The following SRP54 variants were observed in gnomAD, a reference collection of about 807,000 sequenced individuals.
SRP54 encodes the protein signal recognition particle 54, also known as signal recognition particle subunit SRP54.
In SRP54, 10 loss-of-function variants were observed where a neutral mutation model predicts 64.8. The observed-to-expected ratio is 0.15, with a 90% CI of 0.10 to 0.26. The LOEUF (loss-of-function observed/expected upper bound fraction) is 0.26. Among genes scored for constraint, SRP54 ranks in the 10% least tolerant of loss-of-function variants. The pLI, the probability that SRP54 is intolerant of heterozygous loss-of-function variation, is 1.00. For synonymous variants in SRP54, 193 were observed against 185.6 expected, an observed-to-expected ratio of 1.04 and a Z score of -0.32; for missense variants, 325 against 613.7, an observed-to-expected ratio of 0.53 and a Z score of 4.97.
rs1210421994 is a variant in SRP54, at chr14:34,999,613, A to G, written c.134A>G (p.Asn45Ser). Reference protein sequence around the residue: ...VCTALLEADVNIKLVKQLREN... With the variant: ...VCTALLEADVSIKLVKQLREN... ...ACCGCTTTGTTGGAAGCAGATGTTA[A>G]TATTAAACTAGTGAAGCAACTAAGA... is the stretch of plus-strand genomic sequence containing the variant. The change falls in exon 3 of 16, where the codon AAT becomes AGT. Residue 45 changes from asparagine (N) to serine (S), a missense_variant. Asn to Ser is a conservative substitution (Grantham distance 46). Coordinates refer to ENST00000216774, the MANE Select transcript of SRP54 (RefSeq NM_003136.4). The G allele has an allele frequency of 6.2e-7, 1 of 1,613,428 alleles. No individual in the cohort carries two copies. The highest frequency in any genetic ancestry group is 2.2e-5 in the East Asian group (1 of 44,812).
chr14:34,983,685 A>G (rs138600781), intron 1 of SRP54, among the ~76,000 whole-genome samples: 1 of 152,306 alleles, frequency 6.6e-6, no homozygotes, highest in East Asian at 1.9e-4. Context: ...GACGCTGCTG[A>G]CCATCCATTT....
intron 4 of SRP54, among the ~76,000 whole-genome samples, chr14:35,005,505 T>C (rs2044242478): frequency 6.6e-6 from 1 of 152,126 alleles, no homozygotes; most frequent in African/African-American, 2.4e-5. Flanking sequence ...CAAGCAATCT[T>C]ACTGCCTCAG....
chr14:34,987,253 A>ATG (rs2043912835), intron 1 of SRP54, among the ~76,000 whole-genome samples: 1 of 118,780 alleles, frequency 8.4e-6, no homozygotes, highest in East Asian at 2.4e-4. Context: ...AAAAATATAT[A>ATG]TATATATGTG....
chr14:35,029,241 A>C lies in SRP54; in HGVS notation c.*89A>C. On this transcript the variant is annotated 3_prime_UTR_variant, in exon 16 of 16. Transcript: ENST00000216774. ...CCTTCTTTTTGCGAATTGGGGGGAA[A>C]GTGTATTTTTCTTGCTTATCATGCA... 1.0e-6 allele frequency: 1 copy of C among 953,610 alleles called. No homozygotes were observed. The highest frequency in any genetic ancestry group is 1.6e-5 in the South Asian group (1 of 62,554). The allele number at this position is 953,610 out of a possible 1,614,324, so 59.1% of individuals were successfully genotyped here.
chr14:34,986,452 A>G (rs1044872718), intron 1 of SRP54, among the ~76,000 whole-genome samples: 9 of 152,218 alleles, frequency 5.9e-5, no homozygotes, highest in Non-Finnish European at 1.3e-4. Context: ...TGGCAGCTCC[A>G]TCCCAACCTC....
Position 35,013,798 on chromosome 14 carries a change from C to T in SRP54, c.786-4C>T. 2 of 1,583,414 alleles carry T rather than the reference C, an allele frequency of 1.3e-6. No individual in the cohort carries two copies. Among genetic ancestry groups the T allele is most frequent in the South Asian group, 1.2e-5 (1 of 85,924 alleles). ...GTTATTTTATATTTTCTTTTTTTTT[C>T]CAGAGTCGCTGCCACAAAAAGTCCG... On this transcript the variant is annotated splice_region_variant and splice_polypyrimidine_tract_variant and intron_variant, in intron 9 of 15. Coordinates refer to ENST00000216774, the MANE Select transcript of SRP54 (RefSeq NM_003136.4).
intron 1 of SRP54, among the ~76,000 whole-genome samples, chr14:34,991,213 T>C (rs1462620338): frequency 3.4e-5 from 5 of 147,046 alleles, no homozygotes; most frequent in Non-Finnish European, 7.5e-5. Flanking sequence ...CACTGTAACC[T>C]CCACCTCCTG....
intron 1 of SRP54, among the ~76,000 whole-genome samples, chr14:34,985,863 A>G (rs1376448857): frequency 6.6e-6 from 1 of 152,184 alleles, no homozygotes; most frequent in Non-Finnish European, 1.5e-5. Context: ...ATTTTTACTG[A>G]TAGGCATTAT....
chr14:34,987,275 G>GTGTA (rs1555352664), intron 1 of SRP54, among the ~76,000 whole-genome samples: 19,807 of 131,018 alleles, frequency 0.15, 1,877 homozygotes, highest in East Asian at 0.33. Flanking sequence ...GTGTGTGTGT[G>GTGTA]TATATATATA....
rs1357035325 is a variant in SRP54 at position 35,014,826 on chromosome 14, A to G, written c.969A>G (p.Lys323=). The G allele has an allele frequency of 1.2e-6, 2 of 1,612,642 alleles. No individual in the cohort carries two copies. The highest frequency in any genetic ancestry group is 1.3e-5 in the African/African-American group (1 of 74,896). Residue 323 remains lysine, a synonymous_variant, in exon 11 of 16, where the codon AAA becomes AAG. Transcript: ENST00000216774. ...DDNEALIEKL[K]HGQFTLRDMY... ...ATGAAGCACTTATAGAGAAGTTGAAACATGGTATATGAGTGACAAAAAAGC... is the reference window on the plus strand; with the variant it reads ...ATGAAGCACTTATAGAGAAGTTGAAGCATGGTATATGAGTGACAAAAAAGC...
chr14:35,010,672 C>T (rs974066047), intron 7 of SRP54, among the ~76,000 whole-genome samples: 3 of 151,112 alleles, frequency 2.0e-5, no homozygotes, highest in East Asian at 1.9e-4. Context: ...GGCTGAGGCA[C>T]GAGAATCCCT....
At chr14:34,984,643 A>G (rs966983716) in intron 1 of SRP54, among the ~76,000 whole-genome samples, 4 of 152,180 alleles carry the variant, frequency 2.6e-5, no homozygotes, top group Non-Finnish European at 5.9e-5. Flanking sequence ...CTGGGATTAC[A>G]GGTGCCTGCC....
chr14:34,985,336 A>T (rs1187247775), intron 1 of SRP54, among the ~76,000 whole-genome samples: 1 of 152,214 alleles, frequency 6.6e-6, no homozygotes, highest in East Asian at 1.9e-4. Context: ...TCTGACTTTC[A>T]AACCACCTTC....
chr14:34,994,770 TCTTC>T (rs2044039711), intron 1 of SRP54, among the ~76,000 whole-genome samples: 1 of 151,840 alleles, frequency 6.6e-6, no homozygotes, highest in African/African-American at 2.4e-5. Flanking sequence ...AGTCTAAAAT[TCTTC>T]CTTTTCTGTT....
intron 14 of SRP54, among the ~76,000 whole-genome samples, chr14:35,025,716 A>G (rs2139028842): frequency 6.6e-6 from 1 of 152,362 alleles, no homozygotes; most frequent in East Asian, 1.9e-4. Flanking sequence ...CTTCAGATTT[A>G]TTCATCATAA....
intron 11 of SRP54, among the ~76,000 whole-genome samples, chr14:35,016,361 C>G (rs2044438118): frequency 6.6e-6 from 1 of 152,194 alleles, no homozygotes; most frequent in African/African-American, 2.4e-5. Context: ...TCACATCTTC[C>G]ATGTTGTGTT....
intron 2 of SRP54, among the ~76,000 whole-genome samples, chr14:34,998,834 G>C (rs1415159221): frequency 7.4e-5 from 11 of 149,604 alleles, no homozygotes. Context: ...AAAAAAAAAA[G>C]AAAAGCAAAT....
At chr14:35,001,562 T>A (rs1186401829) in intron 4 of SRP54, among the ~76,000 whole-genome samples, 2 of 152,136 alleles carry the variant, frequency 1.3e-5, no homozygotes, top group Non-Finnish European at 2.9e-5. Context: ...ATGAGTGAAA[T>A]TTCACTACAG....
chr14:35,029,502 G>A lies in SRP54; in HGVS notation c.*350G>A. 1 of 174,600 alleles carries A rather than the reference G, an allele frequency of 5.7e-6. No individual in the cohort carries two copies. Among genetic ancestry groups the A allele is most frequent in the Non-Finnish European group, 1.2e-5 (1 of 82,590 alleles). 10.8% of individuals were successfully genotyped at this position (174,600 alleles called of 1,614,324 possible). ...AGCATTGCATTTGTAAACAGTCCTG[G>A]TCAGTAGTTAAATAATGTTTCAATT... On this transcript the variant is annotated 3_prime_UTR_variant, in exon 16 of 16. Coordinates refer to ENST00000216774, the MANE Select transcript of SRP54 (RefSeq NM_003136.4).
Sources: gnomAD v4.1 joint callset for allele counts (sites outside exome capture counted in the v4.1 genomes callset) on GRCh38, gnomAD v4.1.1 for gene constraint, MANE v1.5 for transcripts, NCBI Gene and HGNC (gene_info 2026-07-23, HGNC 2026-07-21) for gene names.